THSD7B: variants seen among roughly 807,000 people sequenced by gnomAD.
THSD7B encodes thrombospondin type-1 domain-containing protein 7B.
THSD7B carries 138 observed loss-of-function variants against 213.6 expected under a neutral mutation model. The ratio of observed to expected loss-of-function variants is 0.65; its 90% confidence interval spans 0.56 to 0.74. The LOEUF is 0.74. Ranked by LOEUF, THSD7B falls within the 30% of genes least tolerant of loss-of-function variation. THSD7B has a pLI of 0.00. For missense variants in THSD7B, 1,931 were observed against 1,991.5 expected (o/e 0.97, Z 0.58); for synonymous variants, 742 against 687.0 (o/e 1.08, Z -1.25).
intron 12 of THSD7B, among the ~76,000 whole-genome samples, chr2:137,389,398 T>C (rs1216781304): frequency 7.8e-6 from 1 of 127,916 alleles, no homozygotes; most frequent in East Asian, 2.5e-4. Flanking sequence ...CACTTCTTAA[T>C]GTGATTTTTT....
At chr2:137,404,594 TAC>T (rs1185086682) in intron 12 of THSD7B, among the ~76,000 whole-genome samples, 83 of 149,180 alleles carry the variant, frequency 5.6e-4, no homozygotes, top group Middle Eastern at 3.2e-3. Context: ...ATACTATATA[TAC>T]ACACACATAC....
At chr2:137,167,675 T>C (rs1680163824) in intron 6 of THSD7B, among the ~76,000 whole-genome samples, 1 of 152,164 alleles carries the variant, frequency 6.6e-6, no homozygotes, top group African/African-American at 2.4e-5. Context: ...AATTATCTCC[T>C]GTAGAATTAT....
chr2:137,573,640 T>C (rs1681402070), intron 17 of THSD7B, among the ~76,000 whole-genome samples: 1 of 152,102 alleles, frequency 6.6e-6, no homozygotes, highest in South Asian at 2.1e-4. Flanking sequence ...AAAATTAAAA[T>C]TTATTGACCA....
chr2:137,129,003 G>A (rs961993576), intron 5 of THSD7B, among the ~76,000 whole-genome samples: 1 of 151,970 alleles, frequency 6.6e-6, no homozygotes, highest in Non-Finnish European at 1.5e-5. Flanking sequence ...AGGACTTCCT[G>A]GATTTTTGTT....
intron 15 of THSD7B, among the ~76,000 whole-genome samples, chr2:137,509,745 A>T (rs1004632812): frequency 3.3e-5 from 5 of 152,126 alleles, no homozygotes; most frequent in African/African-American, 1.2e-4. Context: ...TTATCCCCCA[A>T]ATTTTCCCTG....
intron 7 of THSD7B, among the ~76,000 whole-genome samples, chr2:137,202,614 G>A (rs1001493738): frequency 1.3e-5 from 2 of 152,194 alleles, no homozygotes; most frequent in African/African-American, 4.8e-5. Context: ...ATGAGTTTCT[G>A]TTGTTTCAAG....
intron 1 of THSD7B, among the ~76,000 whole-genome samples, chr2:136,853,050 G>A (rs4407299): frequency 0.17 from 26,275 of 151,884 alleles, 2,731 homozygotes; most frequent in East Asian, 0.39. Context: ...GTGTGTGTGT[G>A]CATGTGCATG....
intron 1 of THSD7B, among the ~76,000 whole-genome samples, chr2:136,876,066 T>G (rs1683522758): frequency 6.6e-6 from 1 of 152,202 alleles, no homozygotes; most frequent in African/African-American, 2.4e-5. Flanking sequence ...GCCGTGAGAA[T>G]GGACAAAGTC....
intron 2 of THSD7B, among the ~76,000 whole-genome samples, chr2:136,919,044 C>T (rs1684393264): frequency 6.6e-6 from 1 of 152,164 alleles, no homozygotes; most frequent in Non-Finnish European, 1.5e-5. Flanking sequence ...AACAAGTGGT[C>T]TTGGTTCTAG....
intron 17 of THSD7B, among the ~76,000 whole-genome samples, chr2:137,579,538 G>GCACACACA (rs940079363): frequency 1.0e-4 from 15 of 144,498 alleles, no homozygotes; most frequent in African/African-American, 3.4e-4. Context: ...ACGCGCGTGC[G>GCACACACA]CACACACACA....
chr2:137,291,858 A>T (rs1239207088), intron 12 of THSD7B, among the ~76,000 whole-genome samples: 1 of 152,162 alleles, frequency 6.6e-6, no homozygotes, highest in African/African-American at 2.4e-5. Flanking sequence ...TTTACATGAG[A>T]CTGAGAGGAT....
At chr2:137,470,760 G>C (rs932490659) in intron 15 of THSD7B, among the ~76,000 whole-genome samples, 24 of 152,010 alleles carry the variant, frequency 1.6e-4, no homozygotes, top group African/African-American at 5.6e-4. Context: ...ATTAAAATTT[G>C]GATTCCCAAT....
chr2:136,817,580 T>C (rs1682495218), intron 1 of THSD7B, among the ~76,000 whole-genome samples: 1 of 150,344 alleles, frequency 6.7e-6, no homozygotes, highest in African/African-American at 2.4e-5. Context: ...TTTCTACATA[T>C]GGCTAGCCAG....
At chr2:137,540,420 A>T (rs1022198077) in intron 15 of THSD7B, among the ~76,000 whole-genome samples, 1 of 151,668 alleles carries the variant, frequency 6.6e-6, no homozygotes, top group Non-Finnish European at 1.5e-5. Context: ...CTCGCATTTT[A>T]ACTTGCCCTG....
chr2:137,409,457 G>A (rs906611556), intron 13 of THSD7B, among the ~76,000 whole-genome samples: 3 of 152,176 alleles, frequency 2.0e-5, no homozygotes, highest in African/African-American at 4.8e-5. Flanking sequence ...ATTGAGAAAC[G>A]CAGGAGAAAG....
At chr2:136,841,593 CAAAAAA>C (rs534991799) in intron 1 of THSD7B, among the ~76,000 whole-genome samples, 1 of 93,186 alleles carries the variant, frequency 1.1e-5, no homozygotes, top group African/African-American at 4.2e-5. Context: ...AAGACTCCAT[CAAAAAA>C]AAAAAAAAAA....
chr2:137,543,876 C>G (rs923187164), intron 15 of THSD7B, among the ~76,000 whole-genome samples: 3 of 151,646 alleles, frequency 2.0e-5, no homozygotes, highest in Non-Finnish European at 3.0e-5. Context: ...AAAAAATGCT[C>G]AGATGCTAAA....
intron 2 of THSD7B, among the ~76,000 whole-genome samples, chr2:137,014,315 T>C (rs1019872679): frequency 5.3e-5 from 8 of 152,180 alleles, no homozygotes; most frequent in African/African-American, 1.9e-4. Context: ...ATCAGCCCAG[T>C]GTAATGGGGC....
At chr2:136,813,926 G>A (rs769638313) in intron 1 of THSD7B, among the ~76,000 whole-genome samples, 1 of 152,172 alleles carries the variant, frequency 6.6e-6, no homozygotes, top group African/African-American at 2.4e-5. Flanking sequence ...ATGAAGAACT[G>A]TGCCTCAGCA....
Sources: allele counts gnomAD v4.1 joint callset (sites outside exome capture counted in the v4.1 genomes callset), GRCh38; gene constraint gnomAD v4.1.1; transcripts MANE v1.5; gene names NCBI Gene and HGNC (gene_info 2026-07-23, HGNC 2026-07-21).